GRXCR1: variants seen among roughly 807,000 people sequenced by gnomAD.
GRXCR1 encodes glutaredoxin and cysteine rich domain containing 1, also known as glutaredoxin domain-containing cysteine-rich protein 1.
Under a neutral mutation model 27.3 loss-of-function variants are expected in GRXCR1, and 27 were observed. The ratio of observed to expected loss-of-function variants is 0.99; its 90% CI spans 0.73 to 1.37. GRXCR1 has a LOEUF of 1.37. Among genes scored for constraint, GRXCR1 ranks in the 40% most tolerant of loss-of-function variants. The pLI is 0.00. For missense variants in GRXCR1, 379 were observed against 354.4 expected, an observed-to-expected ratio of 1.07 and a Z score of -0.56; for synonymous variants, 122 against 131.1, an observed-to-expected ratio of 0.93 and a Z score of 0.47.
intron 2 of GRXCR1, among the ~76,000 whole-genome samples, chr4:43,002,934 G>A (rs1172076736): frequency 6.6e-6 from 1 of 152,212 alleles, no homozygotes; most frequent in Non-Finnish European, 1.5e-5. Context: ...GGTGGGAGCT[G>A]ATTGGATCAT....
At chr4:43,029,145 AT>A in intron 3 of GRXCR1, among the ~76,000 whole-genome samples, 1 of 152,338 alleles carries the variant, frequency 6.6e-6, no homozygotes, top group Non-Finnish European at 1.5e-5. Context: ...TTATGAGAGA[AT>A]TATATTATTG....
At chr4:42,998,888 G>A (rs992787295) in intron 2 of GRXCR1, among the ~76,000 whole-genome samples, 1 of 152,176 alleles carries the variant, frequency 6.6e-6, no homozygotes. Flanking sequence ...TGGCAAATTG[G>A]TAGATTTGGC....
chr4:42,983,752 T>C (rs1711567912), intron 2 of GRXCR1, among the ~76,000 whole-genome samples: 1 of 152,116 alleles, frequency 6.6e-6, no homozygotes, highest in Middle Eastern at 3.2e-3. Context: ...GTTAACTTTT[T>C]AAAATTCTTT....
chr4:42,906,078 T>C (rs1243319566), intron 1 of GRXCR1, among the ~76,000 whole-genome samples: 3 of 152,148 alleles, frequency 2.0e-5, no homozygotes, highest in Non-Finnish European at 4.4e-5. Context: ...ATCTTTCTAT[T>C]TTTTTTAAAT....
intron 2 of GRXCR1, among the ~76,000 whole-genome samples, chr4:43,007,489 G>A (rs1712599526): frequency 6.6e-6 from 1 of 152,176 alleles, no homozygotes; most frequent in African/African-American, 2.4e-5. Context: ...GACAAGTGAA[G>A]TGATCATTGA....
chr4:43,014,226 C>G lies in GRXCR1; in HGVS notation c.628-6128C>G, dbSNP rs140540265. Among the ~76,000 whole-genome samples the G allele has an allele frequency of 3.0e-4, 46 of 152,164 alleles. No homozygotes were observed. In the East Asian group the frequency reaches 8.3e-3, roughly 27 times the overall value. ...CACCTGCCTTGAACATTTTCCAGGC[C>G]TAAGTGTTTGGCACAGAACTCCAGG... On this transcript the variant is annotated intron_variant, in intron 2 of 3. Coordinates refer to ENST00000399770, the MANE Select transcript of GRXCR1 (RefSeq NM_001080476.3).
At chr4:42,901,365 G>T (rs1746456936) in intron 1 of GRXCR1, among the ~76,000 whole-genome samples, 1 of 152,148 alleles carries the variant, frequency 6.6e-6, no homozygotes, top group African/African-American at 2.4e-5. Context: ...AGTTTTGGCA[G>T]TGCTGCTTCC....
intron 2 of GRXCR1, among the ~76,000 whole-genome samples, chr4:43,003,282 A>G (rs1412513159): frequency 6.6e-6 from 1 of 152,182 alleles, no homozygotes; most frequent in Non-Finnish European, 1.5e-5. Flanking sequence ...GTGCACATGT[A>G]CCCTAAAACT....
intron 2 of GRXCR1, among the ~76,000 whole-genome samples, chr4:42,982,406 T>C (rs1367172378): frequency 7.8e-6 from 1 of 128,616 alleles, no homozygotes; most frequent in Non-Finnish European, 1.6e-5. Flanking sequence ...TATGGCTGCA[T>C]AGTATTCCAT....
At chr4:42,912,612 T>C (rs549025657) in intron 1 of GRXCR1, among the ~76,000 whole-genome samples, 1 of 152,302 alleles carries the variant, frequency 6.6e-6, no homozygotes, top group African/African-American at 2.4e-5. Context: ...GTTTCAGCAG[T>C]GACAAGACCA....
chr4:42,990,665 A>G (rs1711944076), intron 2 of GRXCR1, among the ~76,000 whole-genome samples: 1 of 151,950 alleles, frequency 6.6e-6, no homozygotes. Context: ...TTTTTGTTTT[A>G]TATTTTGCTA....
intron 1 of GRXCR1, among the ~76,000 whole-genome samples, chr4:42,914,252 C>T (rs1746834796): frequency 1.3e-5 from 2 of 152,108 alleles, no homozygotes; most frequent in Admixed American, 6.6e-5. Flanking sequence ...TCAACATCAG[C>T]CTATGAAAGC....
At chr4:42,949,137 C>T (rs943751660) in intron 1 of GRXCR1, among the ~76,000 whole-genome samples, 41 of 151,880 alleles carry the variant, frequency 2.7e-4, no homozygotes, top group African/African-American at 8.0e-4. Flanking sequence ...GGGCAGATCA[C>T]GAGGTCAGGA....
At chr4:43,025,981 A>AG (rs1713247344) in intron 3 of GRXCR1, among the ~76,000 whole-genome samples, 1 of 152,010 alleles carries the variant, frequency 6.6e-6, no homozygotes, top group Admixed American at 6.6e-5. Context: ...GTCTCAAAAA[A>AG]AAAAAAAAAA....
At chr4:42,974,154 C>G (rs1050261982) in intron 2 of GRXCR1, among the ~76,000 whole-genome samples, 3 of 152,062 alleles carry the variant, frequency 2.0e-5, no homozygotes, top group African/African-American at 7.2e-5. Context: ...TCAAATCCAT[C>G]TCCTTGAGGA....
chr4:42,905,151 C>G (rs765905701), intron 1 of GRXCR1, among the ~76,000 whole-genome samples: 5 of 152,128 alleles, frequency 3.3e-5, no homozygotes, highest in Non-Finnish European at 7.3e-5. Flanking sequence ...GGCTTTGGCC[C>G]CTACCTAGGC....
At chr4:43,029,831 AT>A (rs1248527469) in intron 3 of GRXCR1, among the ~76,000 whole-genome samples, 1 of 152,198 alleles carries the variant, frequency 6.6e-6, no homozygotes, top group African/African-American at 2.4e-5. Context: ...ACAAAAATGC[AT>A]TTCAAAGTGC....
chr4:42,901,770 C>T (rs1247110214), intron 1 of GRXCR1, among the ~76,000 whole-genome samples: 1 of 152,080 alleles, frequency 6.6e-6, no homozygotes, highest in African/African-American at 2.4e-5. Context: ...TTTCCTGGTT[C>T]CCTGTGGTAG....
intron 1 of GRXCR1, 129 bp downstream of exon 1, chr4:42,893,779 C>T (rs955715663): frequency 1.2e-5 from 11 of 889,850 alleles, no homozygotes; most frequent in African/African-American, 8.2e-5. Flanking sequence ...CGCTCCTCCA[C>T]CTAAGATACT....
Sources: allele counts gnomAD v4.1 joint callset (sites outside exome capture counted in the v4.1 genomes callset), GRCh38; gene constraint gnomAD v4.1.1; transcripts MANE v1.5; gene names NCBI Gene and HGNC (gene_info 2026-07-23, HGNC 2026-07-21).